FEZ1: variants seen among roughly 807,000 people sequenced by gnomAD.
The protein encoded by FEZ1 is fasciculation and elongation protein zeta-1.
FEZ1 carries 20 observed loss-of-function variants against 49.3 expected under a neutral mutation model. That is an observed-to-expected ratio of 0.41 (90% confidence interval 0.29 to 0.59). The LOEUF is 0.59. Ranked by LOEUF, FEZ1 falls within the 20% of genes least tolerant of loss-of-function variation. FEZ1 has a pLI of 0.36. For synonymous variants in FEZ1, 170 were observed against 180.9 expected (o/e 0.94, Z 0.48); for missense variants, 413 against 476.0 (o/e 0.87, Z 1.23).
chr11:125,446,489 C>T (rs1956900296), intron 9 of FEZ1, among the ~76,000 whole-genome samples: 1 of 152,206 alleles, frequency 6.6e-6, no homozygotes, highest in Non-Finnish European at 1.5e-5. Flanking sequence ...AATTCAGTGA[C>T]AACTCAGTGG....
Position 125,449,117 on chromosome 11 carries a change from T to C in FEZ1, c.1097-550A>G, listed in dbSNP as rs376268569. On this transcript the variant is annotated intron_variant, in intron 8 of 9. Transcript: ENST00000278919. ...GTGCAGTGGCGTGTTCTCAGCTCAC[T>C]ACAGCCTCAAACTCCTGGGTTCAAG... 4.1e-4 allele frequency among the ~76,000 whole-genome samples: 62 copies of C among 151,854 alleles called. No homozygotes were observed. In the South Asian group the frequency reaches 7.5e-3, roughly 18 times the overall value.
At chr11:125,455,122 G>A (rs1225743158) in intron 6 of FEZ1, among the ~76,000 whole-genome samples, 1 of 151,958 alleles carries the variant, frequency 6.6e-6, no homozygotes, top group Non-Finnish European at 1.5e-5. Flanking sequence ...CAGGCACGGT[G>A]GCTCATGCCC....
chr11:125,448,395 G>A (rs1956916558), intron 9 of FEZ1, 107 bp downstream of exon 9: 7 of 717,450 alleles, frequency 9.8e-6, no homozygotes, highest in Middle Eastern at 3.6e-4. Context: ...GATTTCCCTG[G>A]CCCCTGCCTG....
chr11:125,452,227 G>A (rs1474486588), intron 8 of FEZ1, 107 bp downstream of exon 8: 5 of 778,592 alleles, frequency 6.4e-6, no homozygotes, highest in Non-Finnish European at 1.1e-5. Flanking sequence ...TTTGGCCCAT[G>A]TAAACCTGCT....
At chr11:125,476,021 T>C (rs1957229272) in intron 3 of FEZ1, among the ~76,000 whole-genome samples, 1 of 152,226 alleles carries the variant, frequency 6.6e-6, no homozygotes, top group African/African-American at 2.4e-5. Flanking sequence ...CCTAATTACA[T>C]TGAGTTTAAT....
intron 3 of FEZ1, among the ~76,000 whole-genome samples, chr11:125,480,575 C>T (rs920839830): frequency 3.3e-5 from 5 of 151,922 alleles, no homozygotes; most frequent in Non-Finnish European, 7.4e-5. Flanking sequence ...CCAAGAGAAG[C>T]CCATGACAGT....
chr11:125,470,690 G>C (rs374351587), intron 3 of FEZ1, among the ~76,000 whole-genome samples: 1 of 152,098 alleles, frequency 6.6e-6, no homozygotes, highest in Admixed American at 6.6e-5. Context: ...AAAGGAATCT[G>C]TCACCTGTGG....
chr11:125,471,773 T>C (rs672654), intron 3 of FEZ1, among the ~76,000 whole-genome samples: 1,550 of 152,260 alleles, frequency 0.01, 10 homozygotes, highest in Admixed American at 0.014. Context: ...TTAACCTGGT[T>C]GACATTTATA....
At position 125,460,503 on chromosome 11, in the gene FEZ1, T is replaced by C. The variant is rs778568238; in HGVS notation, c.662A>G (p.Tyr221Cys). 9.3e-6 allele frequency: 15 copies of C among 1,613,660 alleles called. No individual in the cohort carries two copies. The Admixed American group carries it at 2.2e-4, about 23-fold the overall frequency. ...CCAGCGCCCAGGGCCCTCACCTTCA[T>C]AGGACCAGTTGTTGTTGAAGGTCTG... ...LTQTFNNNWS[Y>C]EGLRHMSGSE... is the part of the protein sequence containing the mutation. Residue 221 changes from tyrosine (Y) to cysteine (C), a missense_variant, in exon 5 of 10, where the codon TAT (tyrosine) becomes TGT (cysteine). Coordinates refer to ENST00000278919, the MANE Select transcript of FEZ1 (RefSeq NM_005103.5).
Position 125,456,085 on chromosome 11 carries a change from G to A in FEZ1, c.689C>T (p.Ser230Phe). The A allele has an allele frequency of 6.2e-7, 1 of 1,602,528 alleles. No individual in the cohort carries two copies. The highest frequency in any genetic ancestry group is 8.5e-7 in the Non-Finnish European group (1 of 1,174,930). ...SYEGLRHMSG[S>F]ELTELLDQVE... ...CTGGTCCAGCAGCTCGGTCAGCTCA[G>A]ACCCAGACATGTGCCTCAGCCCTGC... The change falls in exon 6 of 10, where the codon TCT becomes TTT. Residue 230 changes from serine (S) to phenylalanine (F), a missense_variant. Physicochemically the swap from Ser to Phe is radical, Grantham distance 155. Transcript: ENST00000278919.
At chr11:125,481,217 A>AT (rs199824552) in intron 3 of FEZ1, among the ~76,000 whole-genome samples, 2,212 of 149,694 alleles carry the variant, frequency 0.015, 52 homozygotes, top group African/African-American at 0.049. Context: ...CCCAACAATA[A>AT]TTTTTTTTTT....
rs1054897392 is a variant in FEZ1, at chr11:125,495,179, C to G, written c.-46+942G>C. ...TCCATCTCAGATCCCCCTCCTCCCC[C>G]CAGTCCGGTGGGGTAAAGAAAGCCT... On this transcript the variant is annotated intron_variant, in intron 1 of 9. Coordinates refer to ENST00000278919, the MANE Select transcript of FEZ1 (RefSeq NM_005103.5). The surrounding 1 kb of genome is among the most constrained non-coding windows in gnomAD (Gnocchi z 4.2). The G allele has an allele frequency of 3.4e-5, 12 of 358,074 alleles. No individual in the cohort carries two copies. The highest frequency in any genetic ancestry group is 2.0e-4 in the Admixed American group (5 of 25,390). The allele number at this position is 358,074 out of a possible 1,614,324, so 22.2% of individuals were successfully genotyped here.
At chr11:125,472,377 G>C (rs541349613) in intron 3 of FEZ1, among the ~76,000 whole-genome samples, 1 of 151,486 alleles carries the variant, frequency 6.6e-6, no homozygotes, top group East Asian at 1.9e-4. Context: ...GTGAGAGAGG[G>C]ATGGAGGGAG....
rs1250714805 is a variant in FEZ1 at position 125,495,703 on chromosome 11, C to T, written c.-46+418G>A. ...CCGGGACGAGGTACCGACCCACTGCCCCAGCGCGATCGGGCGGCGTTCCCT... is the reference window on the plus strand; with the variant it reads ...CCGGGACGAGGTACCGACCCACTGCTCCAGCGCGATCGGGCGGCGTTCCCT... On this transcript the variant is annotated intron_variant, in intron 1 of 9. Transcript: ENST00000278919. This position sits in a 1 kb window ranked among gnomAD's most constrained non-coding sequence, Gnocchi z 4.2. 1.7e-5 allele frequency: 6 copies of T among 360,494 alleles called. No homozygotes were observed. The highest frequency in any genetic ancestry group is 6.4e-5 in the African/African-American group (3 of 46,596). 22.3% of individuals were successfully genotyped at this position (360,494 alleles called of 1,614,324 possible).
Position 125,458,204 on chromosome 11 carries a change from C to T in FEZ1, c.668-2098G>A, listed in dbSNP as rs559430804. Among the ~76,000 whole-genome samples the T allele has an allele frequency of 4.6e-5, 7 of 152,300 alleles. No individual in the cohort carries two copies. In the East Asian group the frequency reaches 1.4e-3, roughly 29 times the overall value. On this transcript the variant is annotated intron_variant, in intron 5 of 9. Transcript: ENST00000278919. ...GCCTCTGCTTTCACCACTTCTAACCCGCAGTTGACCTTTGAACCCTGACCA... is the reference window on the plus strand; with the variant it reads ...GCCTCTGCTTTCACCACTTCTAACCTGCAGTTGACCTTTGAACCCTGACCA...
intron 3 of FEZ1, among the ~76,000 whole-genome samples, chr11:125,475,651 G>C (rs1957224311): frequency 6.6e-6 from 1 of 151,904 alleles, no homozygotes; most frequent in Non-Finnish European, 1.5e-5. Context: ...TTAATACCTG[G>C]GTGATGAAAT....
chr11:125,459,751 G>A (rs1957055030), intron 5 of FEZ1, among the ~76,000 whole-genome samples: 1 of 152,176 alleles, frequency 6.6e-6, no homozygotes, highest in African/African-American at 2.4e-5. Flanking sequence ...GACTCGGTTA[G>A]CTTGATCCAA....
rs1197990949 is a variant in FEZ1, at chr11:125,493,475, AAAGAAGGAAAGAAG to A, written c.-46+2632_-46+2645del. ...GAAAGAAGGAAAGAAGGAAAGAAGG[AAAGAAGGAAAGAAG>A]GAAAGAAAGAAAGAAAGAGAGAAAG... On this transcript the variant is annotated intron_variant, in intron 1 of 9. Transcript: ENST00000278919. Among the ~76,000 whole-genome samples the A allele has an allele frequency of 2.2e-4, 18 of 81,062 alleles. 1 individual carries two copies. Among genetic ancestry groups the A allele is most frequent in the African/African-American group, 5.8e-4 (9 of 15,524 alleles). The allele number at this position is 81,062 out of a possible 152,430, so 53.2% of individuals were successfully genotyped here.
At chr11:125,493,683 C>T (rs1957428254) in intron 1 of FEZ1, among the ~76,000 whole-genome samples, 1 of 152,162 alleles carries the variant, frequency 6.6e-6, no homozygotes, top group Non-Finnish European at 1.5e-5. Context: ...TTTACTAAGG[C>T]TTCTTTTTTC....
Sources: gnomAD v4.1 joint callset for allele counts (sites outside exome capture counted in the v4.1 genomes callset) on GRCh38, gnomAD v4.1.1 for gene constraint, Gnocchi (gnomAD v3.1) non-coding constraint, MANE v1.5 for transcripts, NCBI Gene and HGNC (gene_info 2026-07-23, HGNC 2026-07-21) for gene names.